TANGO2: variants seen among roughly 807,000 people sequenced by gnomAD.
TANGO2 encodes transport and golgi organization 2 homolog.
In TANGO2, 26 loss-of-function variants were observed where a neutral mutation model predicts 39.1. The ratio of observed to expected loss-of-function variants is 0.67; its 90% CI spans 0.49 to 0.92. TANGO2 has a LOEUF of 0.92. TANGO2 is among the 40% of genes least tolerant of loss of function. The pLI is 0.00. For missense variants in TANGO2, 326 were observed against 360.1 expected, an observed-to-expected ratio of 0.91 and a Z score of 0.77; for synonymous variants, 131 against 144.5, an observed-to-expected ratio of 0.91 and a Z score of 0.67.
chr22:20,048,389 A>ACC (rs2147375521), intron 3 of TANGO2: 1 of 152,322 alleles, frequency 6.6e-6, no homozygotes, highest in African/African-American at 2.4e-5. Flanking sequence ...TTTCCTTTAT[A>ACC]AATTACCCAG....
At chr22:20,033,837 A>T (rs1176961875) in intron 1 of TANGO2, among the ~76,000 whole-genome samples, 1 of 152,236 alleles carries the variant, frequency 6.6e-6, no homozygotes, top group East Asian at 1.9e-4. Context: ...CATCAGCTGC[A>T]CCTGATTGCT....
chr22:20,031,487 C>T (rs1490623855), intron 1 of TANGO2, among the ~76,000 whole-genome samples: 2 of 152,254 alleles, frequency 1.3e-5, no homozygotes, highest in African/African-American at 4.8e-5. Flanking sequence ...CTCACAGGCT[C>T]TGCTTTCAGT....
intron 2 of TANGO2, among the ~76,000 whole-genome samples, chr22:20,039,591 T>C (rs1468635863): frequency 6.6e-6 from 1 of 151,784 alleles, no homozygotes; most frequent in Non-Finnish European, 1.5e-5. Context: ...ATAGCGCCAC[T>C]GCACTCCAGC....
At position 20,061,769 on chromosome 22, in the gene TANGO2, C is replaced by G. The variant is rs976933864; in HGVS notation, c.605+86C>G. 6 of 1,441,722 alleles carry G rather than the reference C, an allele frequency of 4.2e-6. No individual in the cohort carries two copies. In the African/African-American group the frequency reaches 8.6e-5, roughly 21 times the overall value. The allele number at this position is 1,441,722 out of a possible 1,614,324, so 89.3% of individuals were successfully genotyped here. ...GGCAGGCCCTGCTGCCCCGGGAGGCCCATGGAAGTGGCCAGGCTGGGTCCC... is the reference window on the plus strand; with the variant it reads ...GGCAGGCCCTGCTGCCCCGGGAGGCGCATGGAAGTGGCCAGGCTGGGTCCC... On this transcript the variant is annotated intron_variant, in intron 7 of 8. Transcript: ENST00000327374.
chr22:20,062,460 C>T (rs934035375), intron 7 of TANGO2, among the ~76,000 whole-genome samples: 1 of 152,228 alleles, frequency 6.6e-6, no homozygotes, highest in Non-Finnish European at 1.5e-5. Context: ...TTTCTGCCCC[C>T]TGCCTACCCT....
intron 4 of TANGO2, among the ~76,000 whole-genome samples, chr22:20,053,142 C>T (rs1302827244): frequency 1.3e-5 from 2 of 152,144 alleles, no homozygotes; most frequent in Non-Finnish European, 2.9e-5. Context: ...GAGACGACAG[C>T]TCTGTGGACA....
At chr22:20,051,519 G>A (rs1180493965) in intron 3 of TANGO2, among the ~76,000 whole-genome samples, 1 of 151,634 alleles carries the variant, frequency 6.6e-6, no homozygotes, top group African/African-American at 2.4e-5. Context: ...CAACAAGAGC[G>A]AAACTCTGTC....
At chr22:20,027,821 C>T (rs907902481) in intron 1 of TANGO2, among the ~76,000 whole-genome samples, 6 of 151,656 alleles carry the variant, frequency 4.0e-5, no homozygotes, top group African/African-American at 7.3e-5. Context: ...TTTTTTGAAA[C>T]GGAGTCTCGC....
chr22:20,056,112 C>A, intron 6 of TANGO2, 99 bp downstream of exon 6: 1 of 992,744 alleles, frequency 1.0e-6, no homozygotes, highest in Non-Finnish European at 1.6e-6. Context: ...TATTACTCTT[C>A]TGAGATGACT....
At chr22:20,052,096 G>A (rs1329342903) in intron 3 of TANGO2, among the ~76,000 whole-genome samples, 1 of 152,222 alleles carries the variant, frequency 6.6e-6, no homozygotes, top group Non-Finnish European at 1.5e-5. Context: ...CCTGCTGGGT[G>A]AGGACAGCCA....
At chr22:20,027,129 C>T (rs2040913160) in intron 1 of TANGO2, among the ~76,000 whole-genome samples, 1 of 152,120 alleles carries the variant, frequency 6.6e-6, no homozygotes. Context: ...ACGGCTGGAG[C>T]AGGAGGAAGA....
chr22:20,034,266 T>A (rs1228971792), intron 1 of TANGO2, among the ~76,000 whole-genome samples: 1 of 152,226 alleles, frequency 6.6e-6, no homozygotes, highest in African/African-American at 2.4e-5. Flanking sequence ...CATCACTTCC[T>A]TTGCCCTGCA....
intron 2 of TANGO2, among the ~76,000 whole-genome samples, chr22:20,041,888 C>G (rs1392532706): frequency 3.3e-5 from 5 of 152,156 alleles, no homozygotes; most frequent in African/African-American, 1.2e-4. Context: ...ACCACTGCAA[C>G]TTGGTTTCAG....
upstream of TANGO2, among the ~76,000 whole-genome samples, chr22:20,019,008 T>C (rs1161605565): frequency 6.6e-6 from 1 of 152,010 alleles, no homozygotes; most frequent in East Asian, 1.9e-4. Flanking sequence ...CGCTTGAACC[T>C]GGGAGGCGGA....
intron 2 of TANGO2, among the ~76,000 whole-genome samples, chr22:20,042,284 G>T (rs948028822): frequency 6.6e-6 from 1 of 152,064 alleles, no homozygotes; most frequent in African/African-American, 2.4e-5. Context: ...ACTGTGCCTG[G>T]CCCAGCCATC....
chr22:20,051,674 A>T (rs2046366712), intron 3 of TANGO2, among the ~76,000 whole-genome samples: 1 of 152,002 alleles, frequency 6.6e-6, no homozygotes, highest in Non-Finnish European at 1.5e-5. Context: ...CAACACAGCA[A>T]AACTTTGTCT....
upstream of TANGO2, among the ~76,000 whole-genome samples, chr22:20,020,620 C>T (rs1368657934): frequency 6.6e-6 from 1 of 151,964 alleles, no homozygotes. Context: ...GAGGAAAGAG[C>T]CGACCTGGAG....
chr22:20,054,188 C>G (rs533938607), intron 5 of TANGO2: 1 of 220,008 alleles, frequency 4.5e-6, no homozygotes, highest in South Asian at 5.8e-5. Flanking sequence ...CGTTGAGCAT[C>G]CCTTGTGTGT....
chr22:20,062,537 G>A (rs953724231), intron 7 of TANGO2, among the ~76,000 whole-genome samples: 2 of 152,246 alleles, frequency 1.3e-5, no homozygotes, highest in African/African-American at 4.8e-5. Context: ...CTCACTGGAA[G>A]AGCCCCACCT....
Sources: allele counts gnomAD v4.1 joint callset (sites outside exome capture counted in the v4.1 genomes callset), GRCh38; gene constraint gnomAD v4.1.1; transcripts MANE v1.5; gene names NCBI Gene and HGNC (gene_info 2026-07-23, HGNC 2026-07-21).